Variants in LDLRAD4 observed in about 807,000 individuals in gnomAD.
LDLRAD4 encodes low-density lipoprotein receptor class A domain-containing protein 4.
Under a neutral mutation model 17.0 loss-of-function variants are expected in LDLRAD4, and 5 were observed. The ratio of observed to expected loss-of-function variants is 0.29; its 90% CI spans 0.15 to 0.62. LDLRAD4 has a LOEUF of 0.62. Ranked by LOEUF, LDLRAD4 falls within the 20% of genes least tolerant of loss-of-function variation. The pLI is 0.84. For synonymous variants in LDLRAD4, 168 were observed against 171.8 expected (o/e 0.98, Z 0.17); for missense variants, 340 against 424.7 (o/e 0.80, Z 1.75).
intron 3 of LDLRAD4, among the ~76,000 whole-genome samples, chr18:13,525,329 C>T (rs960713910): frequency 5.3e-5 from 8 of 152,194 alleles, no homozygotes; most frequent in Admixed American, 2.0e-4. Flanking sequence ...ACCTGGCACA[C>T]AGTGAGCATC....
chr18:13,423,952 T>C (rs1342796509), intron 2 of LDLRAD4, among the ~76,000 whole-genome samples: 1 of 152,034 alleles, frequency 6.6e-6, no homozygotes, highest in Non-Finnish European at 1.5e-5. Context: ...CTGACCAATA[T>C]GATGAAACCC....
intron 2 of LDLRAD4, among the ~76,000 whole-genome samples, chr18:13,397,145 G>GT (rs995736964): frequency 4.0e-5 from 6 of 150,824 alleles, no homozygotes; most frequent in Middle Eastern, 3.4e-3. Context: ...TTTTGTTTTT[G>GT]TTTTTTTTTA....
intron 3 of LDLRAD4, among the ~76,000 whole-genome samples, chr18:13,578,179 A>T (rs1314227646): frequency 6.6e-6 from 1 of 152,106 alleles, no homozygotes; most frequent in Admixed American, 6.5e-5. Context: ...GGGTTTGCAG[A>T]CCCCTGAAGC....
chr18:13,300,682 A>T lies in LDLRAD4; in HGVS notation c.-383+22494A>T, dbSNP rs2046542173. Reference sequence around the variant, plus strand: ...ATATGATCAGCCCCTGCACCCAAGAATTTCTTGGTGGCGTTCACACTAAGA... The same window carrying T: ...ATATGATCAGCCCCTGCACCCAAGATTTTCTTGGTGGCGTTCACACTAAGA... On this transcript the variant is annotated intron_variant, in intron 1 of 5. Transcript: ENST00000359446. The surrounding 1 kb of genome is among the most constrained non-coding windows in gnomAD (Gnocchi z 4.2). 6.6e-6 allele frequency among the ~76,000 whole-genome samples: 1 copy of T among 152,148 alleles called. No individual in the cohort carries two copies. Among genetic ancestry groups the T allele is most frequent in the South Asian group, 2.1e-4 (1 of 4,828 alleles).
chr18:13,636,324 T>C (rs534038734), intron 4 of LDLRAD4, among the ~76,000 whole-genome samples: 1 of 151,938 alleles, frequency 6.6e-6, no homozygotes, highest in South Asian at 2.1e-4. Flanking sequence ...TGAATACACA[T>C]TGGGTTGAAA....
chr18:13,534,292 T>A (rs2094171013), intron 3 of LDLRAD4, among the ~76,000 whole-genome samples: 1 of 152,250 alleles, frequency 6.6e-6, no homozygotes, highest in African/African-American at 2.4e-5. Flanking sequence ...GTTTGGTATT[T>A]GGCCTTCTTG....
intron 4 of LDLRAD4, among the ~76,000 whole-genome samples, chr18:13,637,887 A>G (rs545671248): frequency 5.8e-4 from 88 of 151,316 alleles, no homozygotes; most frequent in African/African-American, 8.2e-4. Context: ...AAAAAAAAAA[A>G]AGAGAGAGAG....
chr18:13,497,297 C>T (rs1212665558), intron 3 of LDLRAD4, among the ~76,000 whole-genome samples: 1 of 152,184 alleles, frequency 6.6e-6, no homozygotes, highest in Non-Finnish European at 1.5e-5. Context: ...CTGCCTCAGC[C>T]TCCGGAATAG....
At chr18:13,651,513 G>T (rs1008943040) in exon 6 of LDLRAD4, 1 of 152,138 alleles carries the variant, frequency 6.6e-6, no homozygotes, top group Non-Finnish European at 1.5e-5. Context: ...AAGCAAACTC[G>T]GTTTTGCCAT....
chr18:13,474,265 C>T (rs560287711), intron 3 of LDLRAD4, among the ~76,000 whole-genome samples: 4 of 152,198 alleles, frequency 2.6e-5, no homozygotes, highest in East Asian at 3.9e-4. Context: ...TTTTTGATAG[C>T]AGTGTAAGAA....
At chr18:13,540,297 TG>T (rs2094258609) in intron 3 of LDLRAD4, among the ~76,000 whole-genome samples, 2 of 152,246 alleles carry the variant, frequency 1.3e-5, no homozygotes, top group South Asian at 4.1e-4. Flanking sequence ...CATTTGCATC[TG>T]AAATTAAATG....
intron 1 of LDLRAD4, among the ~76,000 whole-genome samples, chr18:13,358,530 T>C (rs1011443917): frequency 2.0e-5 from 3 of 152,192 alleles, no homozygotes; most frequent in Non-Finnish European, 2.9e-5. Context: ...TTATTACTCA[T>C]TTGATTTATC....
intron 4 of LDLRAD4, chr18:13,641,901 T>C: frequency 3.0e-6 from 3 of 985,498 alleles, no homozygotes; most frequent in Non-Finnish European, 3.6e-6. Flanking sequence ...GCCCCGCAGA[T>C]GGACCTGGCG....
At chr18:13,497,884 C>A (rs1256861212) in intron 3 of LDLRAD4, among the ~76,000 whole-genome samples, 3 of 151,794 alleles carry the variant, frequency 2.0e-5, no homozygotes, top group Non-Finnish European at 4.4e-5. Flanking sequence ...CCACACGTGT[C>A]CCACTGTGGA....
chr18:13,594,172 C>G (rs1287416185), intron 3 of LDLRAD4, among the ~76,000 whole-genome samples: 1 of 152,082 alleles, frequency 6.6e-6, no homozygotes, highest in East Asian at 1.9e-4. Flanking sequence ...AAGAGCAGCA[C>G]CTCGCTTAGA....
At chr18:13,449,889 C>T (rs1007626020) in intron 3 of LDLRAD4, among the ~76,000 whole-genome samples, 4 of 152,086 alleles carry the variant, frequency 2.6e-5, no homozygotes, top group Non-Finnish European at 4.4e-5. Flanking sequence ...CAGGCCCAAC[C>T]GCTCTCTCTG....
At chr18:13,482,284 T>C (rs1197444085) in intron 3 of LDLRAD4, among the ~76,000 whole-genome samples, 1 of 152,018 alleles carries the variant, frequency 6.6e-6, no homozygotes, top group African/African-American at 2.4e-5. Context: ...TTCAGATCCT[T>C]CTGCACACAC....
intron 3 of LDLRAD4, chr18:13,620,911 C>T (rs1601758708): frequency 9.0e-6 from 6 of 664,108 alleles, no homozygotes; most frequent in Admixed American, 2.6e-5. Flanking sequence ...TCCCGCTCCC[C>T]GCAGCTGGTT....
At position 13,464,012 on chromosome 18, in the gene LDLRAD4, T is replaced by C. The variant is rs774884346; in HGVS notation, c.181+25628T>C. Among the ~76,000 whole-genome samples, 90 of 152,210 alleles carry C rather than the reference T, an allele frequency of 5.9e-4. 1 individual carries two copies. The highest frequency in any genetic ancestry group is 2.4e-4 in the Non-Finnish European group (16 of 68,034). On this transcript the variant is annotated intron_variant, in intron 3 of 5. Transcript: ENST00000359446. The stretch of plus-strand genomic sequence containing the variant: ...GAAACTGGGGGAAATAGACTTCTTT[T>C]CTCGCTTTCAGCCCCATTTCCCTAC...
Sources: gnomAD v4.1 joint callset for allele counts (sites outside exome capture counted in the v4.1 genomes callset) on GRCh38, gnomAD v4.1.1 for gene constraint, Gnocchi (gnomAD v3.1) non-coding constraint, MANE v1.5 for transcripts, NCBI Gene and HGNC (gene_info 2026-07-23, HGNC 2026-07-21) for gene names.